WDR20: variants seen among roughly 807,000 people sequenced by gnomAD.
WDR20 encodes the protein WD repeat-containing protein 20.
In WDR20, 3 loss-of-function variants were observed where a neutral mutation model predicts 38.7. The ratio of observed to expected loss-of-function variants is 0.08; its 90% confidence interval spans 0.04 to 0.20. WDR20 has a LOEUF of 0.20. WDR20 is among the 10% of genes least tolerant of loss of function. WDR20 has a pLI of 1.00. For synonymous variants in WDR20, 298 were observed against 285.6 expected (o/e 1.04, Z -0.44); for missense variants, 559 against 727.7 (o/e 0.77, Z 2.67).
chr14:102,194,749 A>G (rs1038579880), intron 1 of WDR20, among the ~76,000 whole-genome samples, 189 bp from the exon 2 acceptor site: 7 of 152,254 alleles, frequency 4.6e-5, no homozygotes, highest in African/African-American at 1.7e-4. Flanking sequence ...GTCTAATAAT[A>G]TCTAATTGGC....
At chr14:102,214,467 C>T, downstream of WDR20, 4 of 985,396 alleles carry the variant, frequency 4.1e-6, no homozygotes, top group Non-Finnish European at 4.8e-6. Context: ...AAGAACGTGC[C>T]CCTCCAGTAG....
downstream of WDR20, among the ~76,000 whole-genome samples, chr14:102,218,353 G>A (rs1403748512): frequency 6.6e-6 from 1 of 152,174 alleles, no homozygotes; most frequent in African/African-American, 2.4e-5. Context: ...GGGGTCGTGG[G>A]GGTCAGAAGG....
rs1248001174 is a variant in WDR20 at position 102,195,387 on chromosome 14, G to C, written c.432+267G>C. 2.0e-5 allele frequency among the ~76,000 whole-genome samples: 3 copies of C among 152,004 alleles called. No homozygotes were observed. In the East Asian group the frequency reaches 5.8e-4, roughly 29 times the overall value. The stretch of plus-strand genomic sequence containing the variant: ...TAAAACTCTTCTATAATGGAGATAG[G>C]GACAGTACTGTAACTCGGTATTTAT... On this transcript the variant is annotated intron_variant, in intron 2 of 2. Coordinates refer to ENST00000342702, the MANE Select transcript of WDR20 (RefSeq NM_144574.4).
chr14:102,202,657 G>A (rs955784796), intron 2 of WDR20, among the ~76,000 whole-genome samples: 6 of 152,104 alleles, frequency 3.9e-5, no homozygotes, highest in African/African-American at 1.2e-4. Flanking sequence ...TGGGATTACA[G>A]GTGTGAGCCA....
rs376856607 is a variant in WDR20 at position 102,209,378 on chromosome 14, T to A, written c.1208T>A (p.Val403Asp). Reference sequence around the variant, plus strand: ...TCAAGAGCAAGGACACACACAAATGTCATGAATGCCACGAGTCCTCCTGCT... The same window carrying A: ...TCAAGAGCAAGGACACACACAAATGACATGAATGCCACGAGTCCTCCTGCT... Reference protein sequence around the residue: ...PLSRARTHTNVMNATSPPAGS... With the variant: ...PLSRARTHTNDMNATSPPAGS... Residue 403 changes from valine (V) to aspartate (D), a missense_variant, in exon 3 of 3, where the codon GTC (valine) becomes GAC (aspartate). By Grantham distance (152) the Val-to-Asp change is radical (BLOSUM62 -3). Coordinates refer to ENST00000342702, the MANE Select transcript of WDR20 (RefSeq NM_144574.4). The surrounding 1 kb of genome is among the most constrained non-coding windows in gnomAD (Gnocchi z 6.0). 6.2e-7 allele frequency: 1 copy of A among 1,613,976 alleles called. No homozygotes were observed. The highest frequency in any genetic ancestry group is 1.3e-5 in the African/African-American group (1 of 74,878).
chr14:102,143,160 A>G (rs1331596845), intron 1 of WDR20, among the ~76,000 whole-genome samples: 1 of 152,202 alleles, frequency 6.6e-6, no homozygotes, highest in Non-Finnish European at 1.5e-5. Context: ...TCTCATAGTA[A>G]GGAAAATGAA....
rs2062247014 is a variant in WDR20 at position 102,210,064 on chromosome 14, A to G, written c.*184A>G. On this transcript the variant is annotated 3_prime_UTR_variant, in exon 3 of 3. Coordinates refer to ENST00000342702, the MANE Select transcript of WDR20 (RefSeq NM_144574.4). ...ATCATTTGATAATTTACCTTAGAGC[A>G]TTTAAAAAAATATAATCAAACTAAT... The G allele has an allele frequency of 1.5e-6, 2 of 1,374,188 alleles. No homozygotes were observed. Among genetic ancestry groups the G allele is most frequent in the Non-Finnish European group, 1.9e-6 (2 of 1,070,584 alleles). The allele number at this position is 1,374,188 out of a possible 1,614,324, so 85.1% of individuals were successfully genotyped here.
At chr14:102,181,762 A>G (rs929159197) in intron 1 of WDR20, among the ~76,000 whole-genome samples, 1 of 152,114 alleles carries the variant, frequency 6.6e-6, no homozygotes, top group Non-Finnish European at 1.5e-5. Flanking sequence ...CATGAGTGGT[A>G]AGCTTAGCAT....
chr14:102,140,798 C>T (rs2050752147), intron 1 of WDR20, among the ~76,000 whole-genome samples: 1 of 152,188 alleles, frequency 6.6e-6, no homozygotes, highest in Admixed American at 6.5e-5. Flanking sequence ...CCGTGGGGAC[C>T]TTCTGAAAGA....
chr14:102,172,289 A>G (rs1472768122), intron 1 of WDR20, among the ~76,000 whole-genome samples: 1 of 150,710 alleles, frequency 6.6e-6, no homozygotes, highest in African/African-American at 2.4e-5. Flanking sequence ...CAAAATGAAA[A>G]GTCTCCCATG....
At chr14:102,169,223 G>A (rs556044319) in intron 1 of WDR20, among the ~76,000 whole-genome samples, 2 of 152,156 alleles carry the variant, frequency 1.3e-5, no homozygotes, top group African/African-American at 2.4e-5. Context: ...TGGCCATGGC[G>A]CTGGCTCCCT....
chr14:102,215,198 C>T (rs1296605388), downstream of WDR20, among the ~76,000 whole-genome samples: 1 of 152,240 alleles, frequency 6.6e-6, no homozygotes, highest in African/African-American at 2.4e-5. Context: ...ATGAAATGTT[C>T]TGCGTCTCAG....
downstream of WDR20, among the ~76,000 whole-genome samples, chr14:102,219,628 A>G (rs2063653286): frequency 6.6e-6 from 1 of 152,212 alleles, no homozygotes; most frequent in Non-Finnish European, 1.5e-5. Context: ...GGCTCCAGGG[A>G]GTCCCTGGTC....
intron 1 of WDR20, among the ~76,000 whole-genome samples, chr14:102,158,949 T>G (rs1413261277): frequency 6.6e-6 from 1 of 151,782 alleles, no homozygotes; most frequent in African/African-American, 2.4e-5. Flanking sequence ...CTCATTTTCT[T>G]TCTTTTTTTT....
intron 2 of WDR20, among the ~76,000 whole-genome samples, chr14:102,199,637 C>A (rs545103354): frequency 6.6e-6 from 1 of 152,128 alleles, no homozygotes; most frequent in Non-Finnish European, 1.5e-5. Flanking sequence ...CACACCGAAT[C>A]CCCAGCATCA....
chr14:102,159,194 A>G (rs1389964636), intron 1 of WDR20, among the ~76,000 whole-genome samples: 8 of 151,818 alleles, frequency 5.3e-5, no homozygotes. Context: ...GTCCTGCTTC[A>G]TCCTCCCAAA....
chr14:102,165,802 A>C (rs938877004), intron 1 of WDR20, among the ~76,000 whole-genome samples: 1 of 150,986 alleles, frequency 6.6e-6, no homozygotes, highest in Admixed American at 6.6e-5. Flanking sequence ...ATGCCTAGCT[A>C]ATTTTTTATT....
intron 2 of WDR20, among the ~76,000 whole-genome samples, chr14:102,200,299 C>A (rs2060077336): frequency 6.6e-6 from 1 of 152,100 alleles, no homozygotes; most frequent in South Asian, 2.1e-4. Flanking sequence ...GTCTAATGGG[C>A]CATTATTGAA....
chr14:102,197,644 A>G, intron 2 of WDR20: 1 of 592,760 alleles, frequency 1.7e-6, no homozygotes, highest in Non-Finnish European at 3.1e-6. Context: ...AGCTTGTCTT[A>G]TAAAAGCCTT....
Sources: allele counts gnomAD v4.1 joint callset (sites outside exome capture counted in the v4.1 genomes callset), GRCh38; gene constraint gnomAD v4.1.1; non-coding constraint Gnocchi (gnomAD v3.1); transcripts MANE v1.5; gene names NCBI Gene and HGNC (gene_info 2026-07-23, HGNC 2026-07-21).